MAP3K3: variants seen among roughly 807,000 people sequenced by gnomAD.
The protein encoded by MAP3K3 is mitogen-activated protein kinase kinase kinase 3, also known as MAP/ERK kinase kinase 3.
Under a neutral mutation model 80.9 loss-of-function variants are expected in MAP3K3, and 12 were observed. That is an observed-to-expected ratio of 0.15 (90% CI 0.10 to 0.24). The LOEUF (loss-of-function observed/expected upper bound fraction) is 0.24. Among genes scored for constraint, MAP3K3 ranks in the 10% least tolerant of loss-of-function variants. MAP3K3 has a pLI of 1.00. For synonymous variants in MAP3K3, 272 were observed against 307.1 expected, an observed-to-expected ratio of 0.89 and a Z score of 1.19; for missense variants, 596 against 834.7, an observed-to-expected ratio of 0.71 and a Z score of 3.52.
chr17:63,663,274 A>T (rs754833029), intron 5 of MAP3K3, among the ~76,000 whole-genome samples: 4 of 151,886 alleles, frequency 2.6e-5, no homozygotes, highest in Middle Eastern at 3.2e-3. Context: ...AGGCTGAGGT[A>T]GGTGGATCCC....
At position 63,646,055 on chromosome 17, in the gene MAP3K3, G is replaced by A. The variant is rs2034535233; in HGVS notation, c.148G>A (p.Glu50Lys). 10 of 1,613,916 alleles carry A rather than the reference G, an allele frequency of 6.2e-6. No homozygotes were observed. The highest frequency in any genetic ancestry group is 1.3e-5 in the African/African-American group (1 of 74,906). ...GCAGAGTGACGTCAGAATCAAGTTC[G>A]AGCACAACGGGGAGAGGCGGTAAGT... ...NRQSDVRIKF[E>K]HNGERRIIAF... is the part of the protein sequence containing the mutation. Residue 50 changes from glutamate to lysine, a missense_variant, in exon 3 of 16, where the codon GAG becomes AAG. Glu to Lys is a moderately conservative substitution (Grantham distance 56). Transcript: ENST00000361733.
At chr17:63,646,976 T>G (rs986585103) in intron 3 of MAP3K3, among the ~76,000 whole-genome samples, 1 of 152,166 alleles carries the variant, frequency 6.6e-6, no homozygotes, top group Non-Finnish European at 1.5e-5. Context: ...TTTGGACAGG[T>G]GAAGAGCATA....
rs1249295226 is a variant in MAP3K3, at chr17:63,689,070, A to T, written c.871+189A>T. ...AGGGAAGATAGTATTTGTAGACCAG[A>T]TGCTGCCACTGGGAACTCTGACCTT... is the stretch of plus-strand genomic sequence containing the variant. On this transcript the variant is annotated intron_variant, in intron 10 of 15. Coordinates refer to ENST00000361733, the MANE Select transcript of MAP3K3 (RefSeq NM_002401.5). This position sits in a 1 kb window ranked among gnomAD's most constrained non-coding sequence, Gnocchi z 4.3. 3.3e-6 allele frequency: 2 copies of T among 598,722 alleles called. No homozygotes were observed. Among genetic ancestry groups the T allele is most frequent in the Non-Finnish European group, 5.9e-6 (2 of 337,340 alleles). 37.1% of individuals were successfully genotyped at this position (598,722 alleles called of 1,614,324 possible). A position where few individuals can be genotyped will look rare whatever the true frequency, so the allele number is the denominator to read the frequency against.
intron 5 of MAP3K3, 67 bp downstream of exon 5, chr17:63,657,974 G>T: frequency 1.1e-6 from 1 of 881,498 alleles, no homozygotes; most frequent in Middle Eastern, 2.3e-4. Context: ...AACTTGTCTC[G>T]CCTCCTTGAC....
Position 63,691,910 on chromosome 17 carries a change from C to A in MAP3K3, c.1474+48C>A. The stretch of plus-strand genomic sequence containing the variant: ...GAGTCCCCAGGACCTGGGTTCAAGT[C>A]TACCATTGAGTGCCTGCAGGGGCCA... On this transcript the variant is annotated intron_variant, in intron 14 of 15. Coordinates refer to ENST00000361733, the MANE Select transcript of MAP3K3 (RefSeq NM_002401.5). The surrounding 1 kb of genome is among the most constrained non-coding windows in gnomAD (Gnocchi z 4.8). 1 of 1,593,166 alleles carries A rather than the reference C, an allele frequency of 6.3e-7. No individual in the cohort carries two copies. The highest frequency in any genetic ancestry group is 8.6e-7 in the Non-Finnish European group (1 of 1,163,842).
In MAP3K3 at chr17:63,634,147, CTG is replaced by C. The variant is rs553097701; in HGVS notation, c.126+1350_126+1351del. Among the ~76,000 whole-genome samples the C allele has an allele frequency of 7.7e-3, 1,176 of 152,280 alleles. 10 individuals carry two copies. The highest frequency in any genetic ancestry group is 0.027 in the South Asian group (132 of 4,820). ...TATTTTCATATGTTATTCAGTCTGA[CTG>C]TGTGAGTTCTCCCTTGCTATAACTC... On this transcript the variant is annotated intron_variant, in intron 2 of 15. Coordinates refer to ENST00000361733, the MANE Select transcript of MAP3K3 (RefSeq NM_002401.5).
Position 63,693,611 on chromosome 17 carries a change from C to T in MAP3K3, c.1715C>T (p.Ala572Val). Residue 572 changes from alanine to valine, a missense_variant, in exon 16 of 16, where the codon GCT (alanine) becomes GTT (valine). Transcript: ENST00000361733. The surrounding 1 kb of genome is among the most constrained non-coding windows in gnomAD (Gnocchi z 4.2). The stretch of plus-strand genomic sequence containing the variant: ...AAACCACCGTGGGCAGAGTATGAAG[C>T]TATGGCCGCCATCTTCAAGATTGCC... ...TEKPPWAEYE[A>V]MAAIFKIATQ... The T allele has an allele frequency of 6.2e-7, 1 of 1,610,512 alleles. No individual in the cohort carries two copies. Among genetic ancestry groups the T allele is most frequent in the Non-Finnish European group, 8.5e-7 (1 of 1,177,696 alleles).
At chr17:63,660,748 A>T (rs1337789777) in intron 5 of MAP3K3, among the ~76,000 whole-genome samples, 1 of 151,516 alleles carries the variant, frequency 6.6e-6, no homozygotes, top group Non-Finnish European at 1.5e-5. Flanking sequence ...ATGCACCACC[A>T]CAACCGCCTA....
chr17:63,628,699 T>G (rs546818521), intron 1 of MAP3K3, among the ~76,000 whole-genome samples: 1 of 152,308 alleles, frequency 6.6e-6, no homozygotes, highest in East Asian at 1.9e-4. Context: ...TATTTGTGTG[T>G]TGTTTATCTT....
chr17:63,638,688 T>G (rs2034381693), intron 2 of MAP3K3, among the ~76,000 whole-genome samples: 1 of 152,178 alleles, frequency 6.6e-6, no homozygotes, highest in Admixed American at 6.5e-5. Flanking sequence ...AACTTTTTTC[T>G]CAGTAGCTGA....
intron 12 of MAP3K3, 27 bp downstream of exon 12, chr17:63,690,439 A>G: frequency 6.2e-7 from 1 of 1,605,658 alleles, no homozygotes; most frequent in South Asian, 1.1e-5. Flanking sequence ...GTCTGACTTC[A>G]GTTCCCTCCT....
chr17:63,626,833 A>G (rs1249117649), intron 1 of MAP3K3, among the ~76,000 whole-genome samples: 1 of 152,254 alleles, frequency 6.6e-6, no homozygotes, highest in Non-Finnish European at 1.5e-5. Flanking sequence ...AACATTGTCA[A>G]GATGAAGAAA....
intron 7 of MAP3K3, among the ~76,000 whole-genome samples, chr17:63,685,017 T>A (rs2035418146): frequency 6.6e-6 from 1 of 152,196 alleles, no homozygotes; most frequent in Non-Finnish European, 1.5e-5. Flanking sequence ...CTGGGACATT[T>A]TTGTTCTGGT....
chr17:63,637,411 T>C (rs886652989), intron 2 of MAP3K3, among the ~76,000 whole-genome samples: 1 of 152,218 alleles, frequency 6.6e-6, no homozygotes, highest in African/African-American at 2.4e-5. Flanking sequence ...AATTTTACCA[T>C]GTATAAGTCA....
chr17:63,669,319 A>G (rs1013094606), intron 6 of MAP3K3, among the ~76,000 whole-genome samples: 3 of 152,072 alleles, frequency 2.0e-5, no homozygotes, highest in Admixed American at 6.6e-5. Context: ...GCTGGCTGAT[A>G]CATTTGGAGG....
intron 1 of MAP3K3, among the ~76,000 whole-genome samples, chr17:63,624,068 C>T (rs2034050828): frequency 6.6e-6 from 1 of 152,166 alleles, no homozygotes; most frequent in Admixed American, 6.5e-5. Context: ...CTGTTTCCTT[C>T]TCATGCTTTC....
intron 2 of MAP3K3, among the ~76,000 whole-genome samples, chr17:63,639,561 TG>T (rs771479954): frequency 1.9e-4 from 29 of 152,318 alleles, no homozygotes; most frequent in Middle Eastern, 3.4e-3. Flanking sequence ...TTGAGATGGT[TG>T]GAACTGTAGA....
intron 6 of MAP3K3, among the ~76,000 whole-genome samples, chr17:63,670,013 G>C (rs2035071996): frequency 6.6e-6 from 1 of 151,832 alleles, no homozygotes; most frequent in South Asian, 2.1e-4. Context: ...TGAGGTGGGA[G>C]GATCACTTGA....
chr17:63,662,650 A>ATTTTT (rs1192833142), intron 5 of MAP3K3, among the ~76,000 whole-genome samples: 205 of 82,520 alleles, frequency 2.5e-3, no homozygotes, highest in African/African-American at 3.1e-3. Flanking sequence ...AGAAGAGGGA[A>ATTTTT]TTTTTTTTTT....
Sources: allele counts gnomAD v4.1 joint callset (sites outside exome capture counted in the v4.1 genomes callset), GRCh38; gene constraint gnomAD v4.1.1; non-coding constraint Gnocchi (gnomAD v3.1); transcripts MANE v1.5; gene names NCBI Gene and HGNC (gene_info 2026-07-23, HGNC 2026-07-21).